MYLK: variants seen among roughly 807,000 people sequenced by gnomAD.
MYLK encodes myosin light chain kinase, smooth muscle.
Under a neutral mutation model 203.4 loss-of-function variants are expected in MYLK, and 106 were observed. The observed-to-expected ratio is 0.52, with a 90% confidence interval of 0.45 to 0.61. The LOEUF (loss-of-function observed/expected upper bound fraction) is 0.61. Among genes scored for constraint, MYLK ranks in the 20% least tolerant of loss-of-function variants. The pLI, the probability that MYLK is intolerant of heterozygous loss-of-function variation, is 0.00. For synonymous variants in MYLK, 867 were observed against 959.5 expected (o/e 0.90, Z 1.78); for missense variants, 2,072 against 2,442.3 (o/e 0.85, Z 3.20).
Position 123,831,689 on chromosome 3 carries a change from G to A in MYLK, c.-126-19C>T. The A allele has an allele frequency of 8.2e-6, 2 of 244,940 alleles. No individual in the cohort carries two copies. The highest frequency in any genetic ancestry group is 1.7e-5 in the Non-Finnish European group (2 of 118,504). The allele number at this position is 244,940 out of a possible 1,614,324, so 15.2% of individuals were successfully genotyped here. ...GAGCCACCTGGGTGGGTGGGAAGGAGGAAAGGAAAGCCAAATCAGAGACAG... is the reference window on the plus strand; with the variant it reads ...GAGCCACCTGGGTGGGTGGGAAGGAAGAAAGGAAAGCCAAATCAGAGACAG... On this transcript the variant is annotated intron_variant, in intron 2 of 33. Transcript: ENST00000360304.
At chr3:123,852,455 T>C (rs192286455) in intron 2 of MYLK, among the ~76,000 whole-genome samples, 1 of 152,326 alleles carries the variant, frequency 6.6e-6, no homozygotes, top group African/African-American at 2.4e-5. Flanking sequence ...GGTTTAGTCT[T>C]GGAAGGGTGT....
At chr3:123,858,774 C>T (rs1049909715) in intron 2 of MYLK, among the ~76,000 whole-genome samples, 23 of 152,162 alleles carry the variant, frequency 1.5e-4, no homozygotes, top group African/African-American at 5.6e-4. Flanking sequence ...TCAACACTGA[C>T]ACACTGGGGA....
At chr3:123,840,457 A>C (rs903890021) in intron 2 of MYLK, among the ~76,000 whole-genome samples, 38 of 151,360 alleles carry the variant, frequency 2.5e-4, no homozygotes, top group African/African-American at 8.7e-4. Context: ...ATGTCATAAT[A>C]TAAAAACTTG....
intron 3 of MYLK, among the ~76,000 whole-genome samples, chr3:123,794,060 C>T (rs1285577858): frequency 6.6e-6 from 1 of 152,266 alleles, no homozygotes; most frequent in Non-Finnish European, 1.5e-5. Context: ...CCCAGACAAA[C>T]ACTCCGGTTC....
intron 3 of MYLK, among the ~76,000 whole-genome samples, chr3:123,828,661 A>G (rs1351082911): frequency 6.6e-6 from 1 of 152,202 alleles, no homozygotes; most frequent in Non-Finnish European, 1.5e-5. Context: ...TAAAACAAAT[A>G]GTGAAAAAAC....
At chr3:123,853,537 T>C (rs1217621128) in intron 2 of MYLK, among the ~76,000 whole-genome samples, 1 of 152,154 alleles carries the variant, frequency 6.6e-6, no homozygotes, top group East Asian at 1.9e-4. Context: ...GCCTTTTGTT[T>C]TTCTCCTTTT....
intron 20 of MYLK, among the ~76,000 whole-genome samples, chr3:123,670,080 T>G (rs2059867293): frequency 6.7e-6 from 1 of 150,182 alleles, no homozygotes; most frequent in Non-Finnish European, 1.5e-5. Context: ...AATGTTAACC[T>G]TTGAGGAATC....
chr3:123,722,463 G>C (rs891919117), intron 12 of MYLK, among the ~76,000 whole-genome samples, 183 bp from the exon 13 acceptor site: 2 of 152,210 alleles, frequency 1.3e-5, no homozygotes, highest in African/African-American at 2.4e-5. Flanking sequence ...ATGGGCTGGA[G>C]AAAGAGCCAG....
intron 20 of MYLK, among the ~76,000 whole-genome samples, chr3:123,679,332 A>G (rs2060184241): frequency 6.6e-6 from 1 of 151,144 alleles, no homozygotes; most frequent in South Asian, 2.1e-4. Flanking sequence ...ACAAAACAAG[A>G]CATCTCCTTC....
chr3:123,696,947 G>A lies in MYLK; in HGVS notation c.3448+3073C>T, dbSNP rs191255936. 3.2e-3 allele frequency among the ~76,000 whole-genome samples: 480 copies of A among 152,358 alleles called. 1 individual carries two copies. The highest frequency in any genetic ancestry group is 6.0e-3 in the Admixed American group (92 of 15,310). On this transcript the variant is annotated intron_variant, in intron 18 of 33. Transcript: ENST00000360304. ...CTGTTAGCAGGACGCCTCTGCTGCT[G>A]CGGGGCCCCCGCCTGGAAGCCCGTC...
chr3:123,702,669 T>C (rs2061290538), intron 16 of MYLK, among the ~76,000 whole-genome samples: 1 of 152,214 alleles, frequency 6.6e-6, no homozygotes, highest in African/African-American at 2.4e-5. Flanking sequence ...CCACTGTTTT[T>C]ATAAGGTAAG....
At chr3:123,779,706 T>C (rs2064220335) in intron 4 of MYLK, among the ~76,000 whole-genome samples, 1 of 152,182 alleles carries the variant, frequency 6.6e-6, no homozygotes, top group South Asian at 2.1e-4. Flanking sequence ...ATCCTCACCA[T>C]CACTATCAGG....
chr3:123,707,560 G>C (rs879342241), intron 16 of MYLK, among the ~76,000 whole-genome samples, 194 bp downstream of exon 16: 1 of 152,230 alleles, frequency 6.6e-6, no homozygotes, highest in East Asian at 1.9e-4. Flanking sequence ...AAAAGGGAAA[G>C]TTCTAATGAA....
chr3:123,713,897 G>C (rs2061801150), intron 13 of MYLK, among the ~76,000 whole-genome samples: 1 of 152,036 alleles, frequency 6.6e-6, no homozygotes, highest in African/African-American at 2.4e-5. Flanking sequence ...TAATATTGCA[G>C]GGTTTTAGAT....
rs769054527 is a variant in MYLK at position 123,707,861 on chromosome 3, G to A, written c.2283C>T (p.Leu761=). Residue 761 remains leucine (L), a synonymous_variant, in exon 16 of 34, where the codon CTC becomes CTT. Coordinates refer to ENST00000360304, the MANE Select transcript of MYLK (RefSeq NM_053025.4). Reference sequence around the variant, plus strand: ...CCTCGAAGTGGCCAGTGTCTTTGCAGAGGGCTTTGCCATCTCTGAGCCAGT... The same window carrying A: ...CCTCGAAGTGGCCAGTGTCTTTGCAAAGGGCTTTGCCATCTCTGAGCCAGT... ...TVHWLRDGKA[L]CKDTGHFEVL... 1.9e-6 allele frequency: 3 copies of A among 1,614,270 alleles called. No homozygotes were observed. Among genetic ancestry groups the A allele is most frequent in the Non-Finnish European group, 2.5e-6 (3 of 1,180,054 alleles).
Position 123,832,638 on chromosome 3 carries a change from G to A in MYLK, c.-126-968C>T, listed in dbSNP as rs113415593. Among the ~76,000 whole-genome samples the A allele has an allele frequency of 3.1e-3, 469 of 152,340 alleles. 2 individuals are homozygous for A. The highest frequency in any genetic ancestry group is 0.011 in the African/African-American group (452 of 41,578). ...GGCAGAGCCCTGGAGAATAGGATCAGCAACCTTATAAAGGGGCTGGAGCGA... is the reference window on the plus strand; with the variant it reads ...GGCAGAGCCCTGGAGAATAGGATCAACAACCTTATAAAGGGGCTGGAGCGA... On this transcript the variant is annotated intron_variant, in intron 2 of 33. Coordinates refer to ENST00000360304, the MANE Select transcript of MYLK (RefSeq NM_053025.4).
At chr3:123,666,166 G>A in intron 22 of MYLK, 53 bp downstream of exon 22, 1 of 1,613,974 alleles carries the variant, frequency 6.2e-7, no homozygotes, top group East Asian at 2.2e-5. Flanking sequence ...CGGTCCAAAG[G>A]CTGTACGGAT....
intron 27 of MYLK, among the ~76,000 whole-genome samples, chr3:123,641,742 C>CTCCCTCCCTCCCTCTCT (rs1290798073): frequency 0.016 from 2,322 of 147,046 alleles, 241 homozygotes; most frequent in African/African-American, 0.055. Flanking sequence ...GCCTGCCTTC[C>CTCCCTCCCTCCCTCTCT]TCCCTCCGTC....
At position 123,657,384 on chromosome 3, in the gene MYLK, G is replaced by A. The variant is rs141271656; in HGVS notation, c.4030C>T (p.Arg1344Trp). Residue 1344 changes from arginine to tryptophan, a missense_variant, in exon 24 of 34, where the codon CGG (arginine) becomes TGG (tryptophan). Arg to Trp is a moderately radical substitution (Grantham distance 101, BLOSUM62 -3). Coordinates refer to ENST00000360304, the MANE Select transcript of MYLK (RefSeq NM_053025.4). Reference sequence around the variant, plus strand: ...CAGGACAGGGTCAGTGAGGAGCTCCGAATGTCAGAGGCACAAGGTGTGCCA... The same window carrying A: ...CAGGACAGGGTCAGTGAGGAGCTCCAAATGTCAGAGGCACAAGGTGTGCCA... Reference protein sequence around the residue: ...PAGTPCASDIRSSSLTLSWYG... With the variant: ...PAGTPCASDIWSSSLTLSWYG... 1.1e-5 allele frequency: 18 copies of A among 1,613,858 alleles called. No homozygotes were observed. The highest frequency in any genetic ancestry group is 1.2e-5 in the Non-Finnish European group (14 of 1,180,042).
Sources: allele counts gnomAD v4.1 joint callset (sites outside exome capture counted in the v4.1 genomes callset), GRCh38; gene constraint gnomAD v4.1.1; transcripts MANE v1.5; gene names NCBI Gene and HGNC (gene_info 2026-07-23, HGNC 2026-07-21).